AGBL1: variants seen among roughly 807,000 people sequenced by gnomAD.
AGBL1 encodes cytosolic carboxypeptidase 4.
In AGBL1, 130 loss-of-function variants were observed where a neutral mutation model predicts 118.9. The ratio of observed to expected loss-of-function variants is 1.09; its 90% CI spans 0.95 to 1.26. The LOEUF is 1.26. Ranked by LOEUF, AGBL1 falls within the 50% of genes most tolerant of loss-of-function variation. The pLI is 0.00. For synonymous variants in AGBL1, 555 were observed against 478.9 expected, an observed-to-expected ratio of 1.16 and a Z score of -2.08; for missense variants, 1,584 against 1,298.1, an observed-to-expected ratio of 1.22 and a Z score of -3.38.
chr15:87,002,627 ATTTG>A (rs2081452439), intron 24 of AGBL1, among the ~76,000 whole-genome samples: 1 of 152,246 alleles, frequency 6.6e-6, no homozygotes, highest in East Asian at 1.9e-4. Flanking sequence ...ATGTTCTTCC[ATTTG>A]TTTGTGTCCT....
intron 22 of AGBL1, among the ~76,000 whole-genome samples, chr15:86,770,902 A>G (rs189859666): frequency 2.0e-5 from 3 of 152,080 alleles, no homozygotes; most frequent in African/African-American, 7.2e-5. Context: ...ACCTGGGCAC[A>G]CAGCTAGATT....
intron 22 of AGBL1, among the ~76,000 whole-genome samples, chr15:86,901,610 A>G (rs1432349356): frequency 6.6e-6 from 1 of 152,072 alleles, no homozygotes; most frequent in African/African-American, 2.4e-5. Flanking sequence ...CCTTTCTTTA[A>G]ATAATTTTTT....
At chr15:86,565,641 A>C (rs1391815778) in intron 21 of AGBL1, among the ~76,000 whole-genome samples, 1 of 152,212 alleles carries the variant, frequency 6.6e-6, no homozygotes, top group South Asian at 2.1e-4. Context: ...TAGGAGAACC[A>C]CTACTGTCTT....
intron 22 of AGBL1, among the ~76,000 whole-genome samples, chr15:86,842,215 A>AC (rs2079255537): frequency 7.4e-6 from 1 of 134,752 alleles, no homozygotes; most frequent in Non-Finnish European, 1.6e-5. Context: ...AGCCATCGAT[A>AC]TTAAAAAAAA....
Position 86,310,279 on chromosome 15 carries a change from T to A in AGBL1, c.2374+14871T>A, listed in dbSNP as rs182174421. On this transcript the variant is annotated intron_variant, in intron 17 of 22. Transcript: ENST00000614907. ...CTGTGGTATCAGTTGTAATGCCTCT[T>A]GTTTAAAATTTTATTTAAACCTCCT... 6.2e-4 allele frequency among the ~76,000 whole-genome samples: 95 copies of A among 152,392 alleles called. No individual in the cohort carries two copies. In the East Asian group the frequency reaches 0.017, roughly 27 times the overall value.
At chr15:86,243,164 G>T (rs1463153560) in intron 6 of AGBL1, among the ~76,000 whole-genome samples, 1 of 152,070 alleles carries the variant, frequency 6.6e-6, no homozygotes, top group Non-Finnish European at 1.5e-5. Flanking sequence ...CCTCCTGATT[G>T]TCAAAGTTTG....
chr15:86,564,151 G>T (rs967401012), intron 21 of AGBL1, among the ~76,000 whole-genome samples: 1 of 152,148 alleles, frequency 6.6e-6, no homozygotes, highest in African/African-American at 2.4e-5. Flanking sequence ...ATATTGTTAG[G>T]TGTGAATTTG....
chr15:86,454,030 C>T (rs953674192), intron 18 of AGBL1, among the ~76,000 whole-genome samples: 8 of 152,264 alleles, frequency 5.3e-5, no homozygotes, highest in African/African-American at 1.7e-4. Context: ...CAATTGCCCT[C>T]ACCCATCTGT....
intron 24 of AGBL1, among the ~76,000 whole-genome samples, chr15:87,006,629 C>T (rs928784247): frequency 6.6e-6 from 1 of 152,224 alleles, no homozygotes; most frequent in Admixed American, 6.5e-5. Flanking sequence ...TCCCTGACCC[C>T]TTGCACTTCC....
chr15:86,369,175 T>C (rs1472842843), intron 17 of AGBL1, among the ~76,000 whole-genome samples: 1 of 152,166 alleles, frequency 6.6e-6, no homozygotes, highest in Non-Finnish European at 1.5e-5. Context: ...GGAATGATGA[T>C]GAATATAGAA....
intron 23 of AGBL1, among the ~76,000 whole-genome samples, chr15:86,957,373 G>T (rs1313902305): frequency 6.6e-6 from 1 of 151,984 alleles, no homozygotes; most frequent in Non-Finnish European, 1.5e-5. Context: ...AATAAAATAT[G>T]TAACATTTGG....
intron 19 of AGBL1, among the ~76,000 whole-genome samples, chr15:86,542,292 C>T (rs908319487): frequency 1.3e-5 from 2 of 151,570 alleles, no homozygotes; most frequent in African/African-American, 4.9e-5. Context: ...GTGTCTTCAT[C>T]CTTGACAAAC....
intron 5 of AGBL1, among the ~76,000 whole-genome samples, chr15:86,166,071 T>A (rs146575660): frequency 6.6e-6 from 1 of 152,190 alleles, no homozygotes; most frequent in African/African-American, 2.4e-5. Flanking sequence ...GGGACCTTCT[T>A]ATCATCTCCT....
intron 18 of AGBL1, among the ~76,000 whole-genome samples, chr15:86,447,055 A>G (rs2082129150): frequency 6.6e-6 from 1 of 151,642 alleles, no homozygotes; most frequent in Non-Finnish European, 1.5e-5. Flanking sequence ...TATAGGGCCC[A>G]TAAATCTGAA....
chr15:86,092,440 A>G (rs1896095230), intron 1 of AGBL1, among the ~76,000 whole-genome samples: 1 of 152,180 alleles, frequency 6.6e-6, no homozygotes. Context: ...TTTCAGACCA[A>G]CCACTGAACT....
chr15:86,903,146 G>T (rs575801036), intron 22 of AGBL1, among the ~76,000 whole-genome samples: 1 of 151,726 alleles, frequency 6.6e-6, no homozygotes, highest in Non-Finnish European at 1.5e-5. Flanking sequence ...CTACTTTCAG[G>T]TTTACTGATT....
At chr15:86,755,627 G>A (rs78092730) in intron 22 of AGBL1, among the ~76,000 whole-genome samples, 3,261 of 152,124 alleles carry the variant, frequency 0.021, 133 homozygotes, top group East Asian at 0.11. Context: ...ATGCTCACTT[G>A]CCGCTCTATC....
chr15:86,098,211 A>T (rs1296294320), intron 1 of AGBL1, among the ~76,000 whole-genome samples: 1 of 152,022 alleles, frequency 6.6e-6, no homozygotes, highest in African/African-American at 2.4e-5. Flanking sequence ...TCTGGATATT[A>T]GTCCCTTCTT....
At chr15:87,002,448 C>T (rs1166754690) in intron 24 of AGBL1, among the ~76,000 whole-genome samples, 1 of 151,840 alleles carries the variant, frequency 6.6e-6, no homozygotes, top group Non-Finnish European at 1.5e-5. Flanking sequence ...TTAGGATTGA[C>T]TTGGCAATGT....
Sources: allele counts gnomAD v4.1 joint callset (sites outside exome capture counted in the v4.1 genomes callset), GRCh38; gene constraint gnomAD v4.1.1; transcripts MANE v1.5; gene names NCBI Gene and HGNC (gene_info 2026-07-23, HGNC 2026-07-21).